CHCHD3: variants seen among roughly 807,000 people sequenced by gnomAD.
CHCHD3 encodes MICOS complex subunit MIC19.
In CHCHD3, 20 loss-of-function variants were observed where a neutral mutation model predicts 38.2. That is an observed-to-expected ratio of 0.52 (90% confidence interval 0.37 to 0.76). The LOEUF (loss-of-function observed/expected upper bound fraction) is 0.76, where lower values mean the gene tolerates loss of function less well. CHCHD3 is among the 30% of genes least tolerant of loss of function. The probability of loss-of-function intolerance (pLI) is 0.00; values close to 1 mark genes in which losing one functional copy is unlikely to be tolerated. For missense variants in CHCHD3, 245 were observed against 279.2 expected (o/e 0.88, Z 0.87); for synonymous variants, 82 against 100.0 (o/e 0.82, Z 1.07).
chr7:132,892,048 T>C (rs1399807539), intron 4 of CHCHD3, among the ~76,000 whole-genome samples: 1 of 152,148 alleles, frequency 6.6e-6, no homozygotes. Context: ...GAAAATGAAA[T>C]AATACAGTTA....
chr7:132,853,363 T>C (rs551897398), intron 5 of CHCHD3, among the ~76,000 whole-genome samples: 1 of 152,252 alleles, frequency 6.6e-6, no homozygotes, highest in Admixed American at 6.5e-5. Flanking sequence ...AACTACGGTG[T>C]AATCCCAGCA....
At chr7:132,807,879 T>C (rs758588714) in intron 6 of CHCHD3, among the ~76,000 whole-genome samples, 1 of 152,038 alleles carries the variant, frequency 6.6e-6, no homozygotes, top group East Asian at 1.9e-4. Context: ...ATTTTATTTA[T>C]ATATATTGTA....
chr7:133,061,479 A>G (rs1238258413), intron 2 of CHCHD3, among the ~76,000 whole-genome samples: 1 of 151,936 alleles, frequency 6.6e-6, no homozygotes, highest in Non-Finnish European at 1.5e-5. Context: ...AAAAAAAAAA[A>G]AAACCCTATG....
At chr7:133,050,817 CCAGCCTGACCGACATGG>C (rs1814142623) in intron 2 of CHCHD3, among the ~76,000 whole-genome samples, 1 of 151,934 alleles carries the variant, frequency 6.6e-6, no homozygotes, top group South Asian at 2.1e-4. Flanking sequence ...GAGTTTGACA[CCAGCCTGACCGACATGG>C]CAAAGCCCTG....
At chr7:133,018,875 CTT>C (rs5887607) in intron 3 of CHCHD3, among the ~76,000 whole-genome samples, 4 of 70,162 alleles carry the variant, frequency 5.7e-5, no homozygotes, top group Non-Finnish European at 7.4e-5. Flanking sequence ...CATGATTTCT[CTT>C]TTTTTTTTTT....
intron 3 of CHCHD3, among the ~76,000 whole-genome samples, chr7:132,984,871 G>A (rs1311689421): frequency 2.1e-5 from 2 of 94,646 alleles, no homozygotes; most frequent in East Asian, 3.6e-4. Context: ...CCCCCCACCC[G>A]GCCAGCCGCC....
rs748043037 is a variant in CHCHD3 at position 132,975,325 on chromosome 7, T to G, written c.252-39A>C. The G allele has an allele frequency of 5.2e-5, 77 of 1,488,934 alleles. 1 individual carries two copies. In the South Asian group the frequency reaches 8.4e-4, roughly 16 times the overall value. 92.2% of individuals were successfully genotyped at this position (1,488,934 alleles called of 1,614,324 possible). ...AATTGTCTAAGTTAGAAAAAATATT[T>G]TATTAGTTGACATTATTTTCTATCA... On this transcript the variant is annotated intron_variant, in intron 3 of 7. Transcript: ENST00000262570.
rs560115315 is a variant in CHCHD3, at chr7:132,834,125, C to T, written c.524+4274G>A. Among the ~76,000 whole-genome samples, 122 of 152,144 alleles carry T rather than the reference C, an allele frequency of 8.0e-4. 2 individuals are homozygous for T. The highest frequency in any genetic ancestry group is 1.6e-3 in the Admixed American group (24 of 15,278). ...AGCCAGTGAAAATAATCTGACCAGG[C>T]GAAAAACCCCTGTCATGCAATGCAA... On this transcript the variant is annotated intron_variant, in intron 6 of 7. Coordinates refer to ENST00000262570, the MANE Select transcript of CHCHD3 (RefSeq NM_017812.4).
intron 4 of CHCHD3, among the ~76,000 whole-genome samples, chr7:132,970,103 A>C (rs1811575403): frequency 6.6e-6 from 1 of 152,156 alleles, no homozygotes; most frequent in African/African-American, 2.4e-5. Flanking sequence ...CTGCACACAC[A>C]CACCCACTTA....
At chr7:132,851,799 C>T (rs10808266) in intron 5 of CHCHD3, among the ~76,000 whole-genome samples, 36,310 of 152,110 alleles carry the variant, frequency 0.24, 4,475 homozygotes, top group South Asian at 0.26. Context: ...GGTGATGCCA[C>T]GTGCACATTT....
chr7:132,865,666 G>T (rs117699338), intron 5 of CHCHD3, among the ~76,000 whole-genome samples: 1,627 of 148,750 alleles, frequency 0.011, 14 homozygotes, highest in Non-Finnish European at 0.015. Flanking sequence ...TAAGACAAAA[G>T]AAACTGTTTT....
chr7:132,879,829 C>T (rs1218943973), intron 5 of CHCHD3, among the ~76,000 whole-genome samples: 1 of 149,206 alleles, frequency 6.7e-6, no homozygotes, highest in African/African-American at 2.5e-5. Flanking sequence ...TGAATGAAGA[C>T]CTCAAGAAGA....
At chr7:132,920,890 C>T (rs945899868) in intron 4 of CHCHD3, among the ~76,000 whole-genome samples, 28 of 151,884 alleles carry the variant, frequency 1.8e-4, no homozygotes, top group African/African-American at 6.8e-4. Context: ...ATGAAAACAG[C>T]AAACCTTACA....
chr7:132,889,857 A>G (rs1809316695), intron 4 of CHCHD3, among the ~76,000 whole-genome samples: 1 of 152,174 alleles, frequency 6.6e-6, no homozygotes, highest in Non-Finnish European at 1.5e-5. Flanking sequence ...AAAGTAGTAA[A>G]CCTACTGCAA....
chr7:132,998,361 A>G (rs1812480527), intron 3 of CHCHD3, among the ~76,000 whole-genome samples: 1 of 152,180 alleles, frequency 6.6e-6, no homozygotes, highest in Admixed American at 6.5e-5. Flanking sequence ...TGTGGTTTGG[A>G]ATGACTGCAC....
chr7:132,886,896 A>C, intron 4 of CHCHD3: 1 of 885,730 alleles, frequency 1.1e-6, no homozygotes, highest in Non-Finnish European at 1.5e-6. Flanking sequence ...TCAGATGTCA[A>C]GGTGCCTGTC....
intron 5 of CHCHD3, chr7:132,849,266 T>A (rs1808157534): frequency 6.6e-6 from 1 of 152,226 alleles, no homozygotes; most frequent in Non-Finnish European, 1.5e-5. Flanking sequence ...CAACTCTGCA[T>A]GAACCTGAAG....
At chr7:132,895,701 C>T (rs149279296) in intron 4 of CHCHD3, among the ~76,000 whole-genome samples, 2 of 152,322 alleles carry the variant, frequency 1.3e-5, no homozygotes, top group Non-Finnish European at 2.9e-5. Flanking sequence ...TCTTTGCCTG[C>T]CACTATGTAA....
At chr7:132,794,366 A>G (rs1806548207) in intron 7 of CHCHD3, among the ~76,000 whole-genome samples, 1 of 152,164 alleles carries the variant, frequency 6.6e-6, no homozygotes, top group Non-Finnish European at 1.5e-5. Flanking sequence ...CCTGAGTTTC[A>G]ATGCTCTCAA....
Sources: gnomAD v4.1 joint callset for allele counts (sites outside exome capture counted in the v4.1 genomes callset) on GRCh38, gnomAD v4.1.1 for gene constraint, MANE v1.5 for transcripts, NCBI Gene and HGNC (gene_info 2026-07-23, HGNC 2026-07-21) for gene names.